VPS33B: variants seen among roughly 807,000 people sequenced by gnomAD.
VPS33B encodes the protein VPS33B late endosome and lysosome associated.
In VPS33B, 80 loss-of-function variants were observed where a neutral mutation model predicts 95.3. The ratio of observed to expected loss-of-function variants is 0.84; its 90% CI spans 0.70 to 1.01. The LOEUF is 1.01. Among genes scored for constraint, VPS33B ranks in the 50% least tolerant of loss-of-function variants. The pLI is 0.00. For synonymous variants in VPS33B, 280 were observed against 280.4 expected (o/e 1.00, Z 0.01); for missense variants, 715 against 773.4 (o/e 0.92, Z 0.90).
In VPS33B at chr15:91,011,990, AAAAACAAAAC is replaced by A. The variant is rs58230462; in HGVS notation, c.357+1804_357+1813del. 6.1e-4 allele frequency among the ~76,000 whole-genome samples: 91 copies of A among 149,384 alleles called. No individual in the cohort carries two copies. The highest frequency in any genetic ancestry group is 3.4e-3 in the Middle Eastern group (1 of 290). On this transcript the variant is annotated intron_variant, in intron 5 of 22. Coordinates refer to ENST00000333371, the MANE Select transcript of VPS33B (RefSeq NM_018668.5). The surrounding 1 kb of genome is among the most constrained non-coding windows in gnomAD (Gnocchi z 5.5). Reference sequence around the variant, plus strand: ...GGTGACAGAGCAATGCACTGTCTCCAAAAACAAAACAAAACAAAACAAAACAAAACAAGAC... The same window carrying A: ...GGTGACAGAGCAATGCACTGTCTCCAAAAACAAAACAAAACAAAACAAGAC...
chr15:91,016,888 G>T, intron 3 of VPS33B, 75 bp downstream of exon 3: 1 of 1,401,720 alleles, frequency 7.1e-7, no homozygotes, highest in Non-Finnish European at 1.0e-6. Context: ...CTCAGCCAAG[G>T]ACAGATGAAA....
In VPS33B at chr15:91,000,334, T is replaced by C. The variant is rs552280011; in HGVS notation, c.1581+156A>G. On this transcript the variant is annotated intron_variant, in intron 20 of 22. Transcript: ENST00000333371. The surrounding 1 kb of genome is among the most constrained non-coding windows in gnomAD (Gnocchi z 4.9). ...ATCACTTGAATCTGGGAGGTGGAGGTTGCAGTGAGCCAAGATCGTGCCACC... is the reference window on the plus strand; with the variant it reads ...ATCACTTGAATCTGGGAGGTGGAGGCTGCAGTGAGCCAAGATCGTGCCACC... Among the ~76,000 whole-genome samples the C allele has an allele frequency of 5.3e-5, 8 of 151,350 alleles. No homozygotes were observed. The East Asian group carries it at 1.5e-3, about 29-fold the overall frequency.
rs2041131003 is a variant in VPS33B at position 91,022,369 on chromosome 15, C to G, written c.-120G>C. The G allele has an allele frequency of 2.2e-6, 2 of 910,074 alleles. No homozygotes were observed. The highest frequency in any genetic ancestry group is 3.3e-6 in the Non-Finnish European group (2 of 611,288). 56.4% of individuals were successfully genotyped at this position (910,074 alleles called of 1,614,324 possible). ...GGCCTGGGCACCGACTTCCAGAGAC[C>G]CCAGATGGGCCCTCGCTCCTCAGCA... On this transcript the variant is annotated 5_prime_UTR_variant, in exon 1 of 23. Coordinates refer to ENST00000333371, the MANE Select transcript of VPS33B (RefSeq NM_018668.5).
In VPS33B at chr15:91,009,728, GGT is replaced by G; in HGVS notation, c.403+71_403+72del. ...GCTGGTGGTGGGGGTGGGGTGGGGG[GGT>G]TGGAGAACAACAACAGTTTTTTCTT... On this transcript the variant is annotated intron_variant, in intron 6 of 22. Coordinates refer to ENST00000333371, the MANE Select transcript of VPS33B (RefSeq NM_018668.5). The surrounding 1 kb of genome is among the most constrained non-coding windows in gnomAD (Gnocchi z 4.1). 1.3e-6 allele frequency: 2 copies of G among 1,508,254 alleles called. No homozygotes were observed. Among genetic ancestry groups the G allele is most frequent in the Non-Finnish European group, 1.8e-6 (2 of 1,103,910 alleles). The allele number at this position is 1,508,254 out of a possible 1,614,324, so 93.4% of individuals were successfully genotyped here. A position where few individuals can be genotyped will look rare whatever the true frequency, so the allele number is the denominator to read the frequency against.
At chr15:91,001,891 C>G (rs755219119) in intron 18 of VPS33B, among the ~76,000 whole-genome samples, 159 bp downstream of exon 18, 2 of 152,192 alleles carry the variant, frequency 1.3e-5, no homozygotes, top group East Asian at 3.8e-4. Flanking sequence ...TATGTGGAAA[C>G]TGCTCTTACT....
rs1437717122 is a variant in VPS33B, at chr15:91,010,929, A to G, written c.358-1083T>C. Among the ~76,000 whole-genome samples the G allele has an allele frequency of 6.6e-6, 1 of 152,220 alleles. No individual in the cohort carries two copies. Among genetic ancestry groups the G allele is most frequent in the Non-Finnish European group, 1.5e-5 (1 of 68,044 alleles). ...GATGAAGGTGGAGATGAGGAAGCAG[A>G]AGCAGTGACAATAGAACATTCTTCA... On this transcript the variant is annotated intron_variant, in intron 5 of 22. Coordinates refer to ENST00000333371, the MANE Select transcript of VPS33B (RefSeq NM_018668.5). This position sits in a 1 kb window ranked among gnomAD's most constrained non-coding sequence, Gnocchi z 5.7.
chr15:91,006,636 G>C lies in VPS33B; in HGVS notation c.778+16C>G. Reference sequence around the variant, plus strand: ...CCCGTCCATCTTGCCAAGATGCAGAGGACCATAGCACTTACCACACTTGAT... The same window carrying C: ...CCCGTCCATCTTGCCAAGATGCAGACGACCATAGCACTTACCACACTTGAT... On this transcript the variant is annotated intron_variant, in intron 10 of 22. Transcript: ENST00000333371. The surrounding 1 kb of genome is among the most constrained non-coding windows in gnomAD (Gnocchi z 5.4). 6.2e-7 allele frequency: 1 copy of C among 1,614,164 alleles called. No homozygotes were observed. Among genetic ancestry groups the C allele is most frequent in the Non-Finnish European group, 8.5e-7 (1 of 1,180,006 alleles).
intron 1 of VPS33B, among the ~76,000 whole-genome samples, chr15:91,020,103 C>T (rs2041061046): frequency 6.6e-6 from 1 of 151,934 alleles, no homozygotes; most frequent in Non-Finnish European, 1.5e-5. Context: ...CCGCACCCAG[C>T]CTAATATTTT....
chr15:91,005,909 A>G lies in VPS33B; in HGVS notation c.939+64T>C. The stretch of plus-strand genomic sequence containing the variant: ...TGTCATAGTATTAGAAGGGGAGCCC[A>G]AGGGCAGCAGCCTTGGGAAGCCACT... On this transcript the variant is annotated intron_variant, in intron 12 of 22. Coordinates refer to ENST00000333371, the MANE Select transcript of VPS33B (RefSeq NM_018668.5). This position sits in a 1 kb window ranked among gnomAD's most constrained non-coding sequence, Gnocchi z 6.4. 1 of 1,608,604 alleles carries G rather than the reference A, an allele frequency of 6.2e-7. No homozygotes were observed. The highest frequency in any genetic ancestry group is 8.5e-7 in the Non-Finnish European group (1 of 1,176,136).
Position 91,014,414 on chromosome 15 carries a change from G to C in VPS33B, c.259C>G (p.Pro87Ala). Residue 87 changes from proline (P) to alanine (A), a missense_variant, in exon 4 of 23, where the codon CCC becomes GCC. Physicochemically the swap from Pro to Ala is conservative, Grantham distance 27. Transcript: ENST00000333371. ...ATGTATCGCATATTCTTGATGCGGG[G>C]TCTGACCAAGAAGCACAATCTATGA... ...SNEQLCFLVR[P>A]RIKNMRYIAS... The C allele has an allele frequency of 6.2e-7, 1 of 1,613,838 alleles. No individual in the cohort carries two copies. The highest frequency in any genetic ancestry group is 8.5e-7 in the Non-Finnish European group (1 of 1,179,962).
At position 91,022,262 on chromosome 15, in the gene VPS33B, C is replaced by T. The variant is rs374280651; in HGVS notation, c.-13G>A. On this transcript the variant is annotated 5_prime_UTR_variant, in exon 1 of 23. Coordinates refer to ENST00000333371, the MANE Select transcript of VPS33B (RefSeq NM_018668.5). ...GGGGAAAAGCCATGGCAGCGGTCAC[C>T]TGCGCCGCGGGGTGGAAGGACGCCC... 6.5e-6 allele frequency: 10 copies of T among 1,547,940 alleles called. No individual in the cohort carries two copies. Among genetic ancestry groups the T allele is most frequent in the Non-Finnish European group, 8.8e-6 (10 of 1,140,452 alleles).
chr15:91,005,181 A>G lies in VPS33B; in HGVS notation c.1106-62T>C, dbSNP rs942865397. The stretch of plus-strand genomic sequence containing the variant: ...CAGCTCAGCTGCTGCCATCTATGCT[A>G]ACAGGTGTCTGTCTCCCCATCTCTT... On this transcript the variant is annotated intron_variant, in intron 14 of 22. Transcript: ENST00000333371. This position sits in a 1 kb window ranked among gnomAD's most constrained non-coding sequence, Gnocchi z 6.4. 65 of 1,613,662 alleles carry G rather than the reference A, an allele frequency of 4.0e-5. No homozygotes were observed. Among genetic ancestry groups the G allele is most frequent in the Non-Finnish European group, 5.3e-5 (63 of 1,179,980 alleles).
At position 91,010,984 on chromosome 15, in the gene VPS33B, C is replaced by T. The variant is rs2040763240; in HGVS notation, c.358-1138G>A. On this transcript the variant is annotated intron_variant, in intron 5 of 22. Transcript: ENST00000333371. This position sits in a 1 kb window ranked among gnomAD's most constrained non-coding sequence, Gnocchi z 5.7. Reference sequence around the variant, plus strand: ...AGCCTGGCCCTGAAAGAAGGGGGAGCTCTGAAAGGGAAAAGAGATGAAATG... The same window carrying T: ...AGCCTGGCCCTGAAAGAAGGGGGAGTTCTGAAAGGGAAAAGAGATGAAATG... Among the ~76,000 whole-genome samples the T allele has an allele frequency of 6.6e-6, 1 of 152,020 alleles. No homozygotes were observed. Among genetic ancestry groups the T allele is most frequent in the Non-Finnish European group, 1.5e-5 (1 of 68,026 alleles).
chr15:91,022,020 C>T (rs568914594), intron 1 of VPS33B, 134 bp downstream of exon 1: 19 of 1,023,896 alleles, frequency 1.9e-5, no homozygotes, highest in East Asian at 2.7e-5. Context: ...TGGATTCATT[C>T]TGGACCTGCT....
In VPS33B at chr15:91,005,654, C is replaced by T; in HGVS notation, c.1030+40G>A. 6.2e-7 allele frequency: 1 copy of T among 1,611,086 alleles called. No homozygotes were observed. The highest frequency in any genetic ancestry group is 8.5e-7 in the Non-Finnish European group (1 of 1,177,214). ...TCCTCTGGAGCTTTCCCCAGAGGGA[C>T]ACAGTCACTTCCCCTCACGCCCCTC... On this transcript the variant is annotated intron_variant, in intron 13 of 22. Transcript: ENST00000333371. This position sits in a 1 kb window ranked among gnomAD's most constrained non-coding sequence, Gnocchi z 6.4.
At chr15:91,016,432 G>A (rs957565196) in intron 3 of VPS33B, among the ~76,000 whole-genome samples, 4 of 144,470 alleles carry the variant, frequency 2.8e-5, no homozygotes, top group Non-Finnish European at 6.0e-5. Context: ...ACCCAGGCTG[G>A]ACTGCAGTGG....
rs1202361354 is a variant in VPS33B at position 91,000,253 on chromosome 15, T to C, written c.1581+237A>G. On this transcript the variant is annotated intron_variant, in intron 20 of 22. Transcript: ENST00000333371. The surrounding 1 kb of genome is among the most constrained non-coding windows in gnomAD (Gnocchi z 4.9). ...CTCTACTAAAAATACAAAAATTAGC[T>C]GGGTGCAGTGGCACATGCCTGTAGT... 8.1e-4 allele frequency among the ~76,000 whole-genome samples: 123 copies of C among 152,110 alleles called. 1 individual carries two copies. The highest frequency in any genetic ancestry group is 1.0e-4 in the Non-Finnish European group (7 of 68,014).
rs1452339595 is a variant in VPS33B at position 91,015,796 on chromosome 15, C to T, written c.239+1167G>A. On this transcript the variant is annotated intron_variant, in intron 3 of 22. Coordinates refer to ENST00000333371, the MANE Select transcript of VPS33B (RefSeq NM_018668.5). The surrounding 1 kb of genome is among the most constrained non-coding windows in gnomAD (Gnocchi z 4.7). ...AGTGAGCTATGATTGCACCACTGCA[C>T]TCCAGCCTGTGCAACAGAGTGAGAC... 2.6e-5 allele frequency among the ~76,000 whole-genome samples: 4 copies of T among 152,140 alleles called. No homozygotes were observed.
At chr15:91,016,748 A>T (rs1322080848) in intron 3 of VPS33B, among the ~76,000 whole-genome samples, 1 of 152,222 alleles carries the variant, frequency 6.6e-6, no homozygotes, top group Non-Finnish European at 1.5e-5. Flanking sequence ...ATCTGGTTAT[A>T]GACTGTATTA....
Sources: allele counts gnomAD v4.1 joint callset (sites outside exome capture counted in the v4.1 genomes callset), GRCh38; gene constraint gnomAD v4.1.1; non-coding constraint Gnocchi (gnomAD v3.1); transcripts MANE v1.5; gene names NCBI Gene and HGNC (gene_info 2026-07-23, HGNC 2026-07-21).